MGAT4C: variants seen among roughly 807,000 people sequenced by gnomAD.
MGAT4C encodes the protein MGAT4 family member C, also known as alpha-1,3-mannosyl-glycoprotein 4-beta-N-acetylglucosaminyltransferase C.
MGAT4C carries 19 observed loss-of-function variants against 40.1 expected under a neutral mutation model. That is an observed-to-expected ratio of 0.47 (90% CI 0.33 to 0.70). The LOEUF is 0.70. Among genes scored for constraint, MGAT4C ranks in the 30% least tolerant of loss-of-function variants. The probability of loss-of-function intolerance (pLI) is 0.02; values close to 1 mark genes in which losing one functional copy is unlikely to be tolerated. For synonymous variants in MGAT4C, 181 were observed against 187.1 expected, an observed-to-expected ratio of 0.97 and a Z score of 0.27; for missense variants, 491 against 563.2, an observed-to-expected ratio of 0.87 and a Z score of 1.30.
chr12:86,360,333 C>T (rs4388960), intron 3 of MGAT4C, among the ~76,000 whole-genome samples: 111,504 of 152,048 alleles, frequency 0.73, 41,088 homozygotes, highest in East Asian at 0.91. Flanking sequence ...ATGGGGCGTA[C>T]CTCAAAACAA....
chr12:86,310,873 G>A (rs770965839), intron 4 of MGAT4C, among the ~76,000 whole-genome samples: 8 of 152,148 alleles, frequency 5.3e-5, no homozygotes, highest in Non-Finnish European at 1.0e-4. Context: ...GCAGTGAGCC[G>A]AGATCGCACC....
intron 4 of MGAT4C, among the ~76,000 whole-genome samples, chr12:86,263,371 C>T (rs1952703399): frequency 6.6e-6 from 1 of 152,098 alleles, no homozygotes; most frequent in Non-Finnish European, 1.5e-5. Flanking sequence ...TATCATTATA[C>T]TCTCTATGTC....
At chr12:86,810,855 G>T (rs2136215600) in intron 1 of MGAT4C, among the ~76,000 whole-genome samples, 1 of 152,074 alleles carries the variant, frequency 6.6e-6, no homozygotes, top group African/African-American at 2.4e-5. Context: ...CTAGCCTAGT[G>T]AAATGATTAA....
intron 4 of MGAT4C, among the ~76,000 whole-genome samples, chr12:86,262,817 A>C (rs1050304663): frequency 2.6e-5 from 4 of 152,124 alleles, no homozygotes; most frequent in African/African-American, 9.7e-5. Flanking sequence ...AGAAAAGATA[A>C]GCCATTTTAA....
At chr12:86,633,282 C>T (rs1231389621) in intron 2 of MGAT4C, among the ~76,000 whole-genome samples, 4 of 151,898 alleles carry the variant, frequency 2.6e-5, no homozygotes. Flanking sequence ...CAAAGATATT[C>T]TAATATTACC....
chr12:86,294,349 A>G (rs1953606974), intron 4 of MGAT4C, among the ~76,000 whole-genome samples: 1 of 115,938 alleles, frequency 8.6e-6, no homozygotes, highest in South Asian at 3.6e-4. Flanking sequence ...TGTTATTCAC[A>G]CTCACTAAAA....
At chr12:86,110,300 C>CTATATATAATCTATATATATA (rs1592965353) in intron 1 of MGAT4C, among the ~76,000 whole-genome samples, 1 of 12,224 alleles carries the variant, frequency 8.2e-5, no homozygotes, top group Non-Finnish European at 1.3e-4. Flanking sequence ...TATAGTCTCT[C>CTATATATAATCTATATATATA]TATATATATA....
chr12:86,703,255 G>A (rs552187791), intron 2 of MGAT4C, among the ~76,000 whole-genome samples: 2 of 152,248 alleles, frequency 1.3e-5, no homozygotes, highest in African/African-American at 4.8e-5. Flanking sequence ...AAAAAATTTA[G>A]AATAAACATA....
intron 2 of MGAT4C, among the ~76,000 whole-genome samples, chr12:86,627,752 A>T (rs547295529): frequency 7.9e-5 from 12 of 152,304 alleles, no homozygotes; most frequent in Non-Finnish European, 1.8e-4. Context: ...ATGATCATCA[A>T]AGACCAAAGG....
At chr12:86,242,337 G>A (rs17013842) in intron 1 of MGAT4C, among the ~76,000 whole-genome samples, 7,719 of 152,138 alleles carry the variant, frequency 0.051, 664 homozygotes, top group African/African-American at 0.18. Flanking sequence ...CCACGAAGCT[G>A]GATTTGGTAA....
chr12:86,093,731 AAACAAC>A (rs35399411), intron 1 of MGAT4C, among the ~76,000 whole-genome samples: 20,837 of 149,416 alleles, frequency 0.14, 1,719 homozygotes, highest in Non-Finnish European at 0.18. Flanking sequence ...CTCCGTCTAA[AAACAAC>A]AACAACAACA....
At chr12:86,142,115 A>C (rs1275802489) in intron 1 of MGAT4C, among the ~76,000 whole-genome samples, 1 of 152,164 alleles carries the variant, frequency 6.6e-6, no homozygotes, top group Non-Finnish European at 1.5e-5. Context: ...CTCTGACTTC[A>C]GTTAAGCAAG....
At chr12:85,980,501 T>C (rs1305239176) in intron 4 of MGAT4C, 71 bp from the exon 5 acceptor site, 4 of 1,371,624 alleles carry the variant, frequency 2.9e-6, no homozygotes, top group Non-Finnish European at 2.9e-6. Flanking sequence ...AGAGAAGATA[T>C]TTATTCCTTT....
At chr12:86,388,188 T>C (rs1186927686) in intron 3 of MGAT4C, among the ~76,000 whole-genome samples, 2 of 152,138 alleles carry the variant, frequency 1.3e-5, no homozygotes, top group Non-Finnish European at 2.9e-5. Flanking sequence ...ATCAGGAAGA[T>C]GTGAAGAAAA....
chr12:86,653,790 T>C (rs1211785742), intron 2 of MGAT4C, among the ~76,000 whole-genome samples: 1 of 151,944 alleles, frequency 6.6e-6, no homozygotes, highest in African/African-American at 2.4e-5. Context: ...ATAAAACTTA[T>C]TTGGAAGAAG....
intron 2 of MGAT4C, among the ~76,000 whole-genome samples, chr12:86,720,391 G>A (rs1236014576): frequency 1.3e-5 from 2 of 152,152 alleles, no homozygotes; most frequent in African/African-American, 4.8e-5. Flanking sequence ...GGTTCAAGGT[G>A]GTGGAAACAG....
chr12:86,544,945 AG>A (rs1170277508), intron 2 of MGAT4C, among the ~76,000 whole-genome samples: 1 of 152,108 alleles, frequency 6.6e-6, no homozygotes, highest in Non-Finnish European at 1.5e-5. Flanking sequence ...TAAATTTAAT[AG>A]TGATTGTTTT....
Position 85,962,424 on chromosome 12 carries a change from A to G in MGAT4C, c.*16865T>C, listed in dbSNP as rs1249375680. On this transcript the variant is annotated 3_prime_UTR_variant, in exon 5 of 5. Coordinates refer to ENST00000611864, the MANE Select transcript of MGAT4C (RefSeq NM_001351288.2). ...TAATTAATTATATAATTATATAATTATATAAAATTTTATAATTAATTATAA... is the reference window on the plus strand; with the variant it reads ...TAATTAATTATATAATTATATAATTGTATAAAATTTTATAATTAATTATAA... 1 of 147,922 alleles carries G rather than the reference A, an allele frequency of 6.8e-6. No individual in the cohort carries two copies. Among genetic ancestry groups the G allele is most frequent in the Non-Finnish European group, 1.5e-5 (1 of 66,964 alleles). 9.2% of individuals were successfully genotyped at this position (147,922 alleles called of 1,614,324 possible).
intron 3 of MGAT4C, among the ~76,000 whole-genome samples, chr12:86,432,383 G>T (rs1268643016): frequency 6.6e-6 from 1 of 152,004 alleles, no homozygotes; most frequent in African/African-American, 2.4e-5. Flanking sequence ...GCCAAATATT[G>T]GTAGAGATGT....
Sources: allele counts gnomAD v4.1 joint callset (sites outside exome capture counted in the v4.1 genomes callset), GRCh38; gene constraint gnomAD v4.1.1; transcripts MANE v1.5; gene names NCBI Gene and HGNC (gene_info 2026-07-23, HGNC 2026-07-21).